Variants in ZNF875 observed in about 807,000 individuals in gnomAD.
The protein encoded by ZNF875 is zinc finger protein 875.
A neutral mutation model predicts 11.2 loss-of-function variants in ZNF875; 14 were observed. The ratio of observed to expected loss-of-function variants is 1.26; its 90% CI spans 0.83 to 1.96. The LOEUF (loss-of-function observed/expected upper bound fraction) is 1.96. ZNF875 is among the 30% of genes most tolerant of loss of function. The probability of loss-of-function intolerance (pLI) is 0.00; values close to 1 mark genes in which losing one functional copy is unlikely to be tolerated. For synonymous variants in ZNF875, 301 were observed against 281.1 expected (o/e 1.07, Z -0.71); for missense variants, 752 against 760.4 (o/e 0.99, Z 0.13).
rs372617676 is a variant in ZNF875, at chr19:37,362,305, A to C, written c.453A>C (p.Lys151Asn). 6.2e-7 allele frequency: 1 copy of C among 1,614,064 alleles called. No homozygotes were observed. Among genetic ancestry groups the C allele is most frequent in the Non-Finnish European group, 8.5e-7 (1 of 1,180,044 alleles). ...QQQDPFCFSG[K>N]AEWIQEGEDS... ...AGGATCCATTCTGCTTTAGTGGCAA[A>C]GCAGAATGGATTCAAGAGGGAGAAG... Residue 151 changes from lysine (K) to asparagine (N), a missense_variant, in exon 5 of 5, where the codon AAA becomes AAC. Transcript: ENST00000392153.
At chr19:37,315,904 G>A (rs1431609161), upstream of ZNF875, among the ~76,000 whole-genome samples, 2 of 152,088 alleles carry the variant, frequency 1.3e-5, no homozygotes, top group East Asian at 1.9e-4. Context: ...GACAGGCTGA[G>A]GTGAATGTGT....
chr19:37,348,124 C>T (rs909495851), intron 4 of ZNF875, among the ~76,000 whole-genome samples: 2 of 152,186 alleles, frequency 1.3e-5, no homozygotes, highest in Non-Finnish European at 2.9e-5. Context: ...AGTCTTTCCT[C>T]ATTCACTGTC....
intron 1 of ZNF875, among the ~76,000 whole-genome samples, chr19:37,321,345 A>G (rs2031399908): frequency 6.6e-6 from 1 of 152,184 alleles, no homozygotes. Context: ...TTAATGCACC[A>G]AGATTTTTAT....
chr19:37,322,262 C>T (rs1240660130), intron 2 of ZNF875: 15 of 152,190 alleles, frequency 9.9e-5, no homozygotes, highest in African/African-American at 3.1e-4. Flanking sequence ...ATATTTTGGA[C>T]TCATTTTGTA....
At chr19:37,323,105 CT>C (rs1287902884) in intron 2 of ZNF875, among the ~76,000 whole-genome samples, 3 of 151,514 alleles carry the variant, frequency 2.0e-5, no homozygotes. Context: ...GGGATTTTCA[CT>C]GTGTTCCTAA....
In ZNF875 at chr19:37,363,472, CAGA is replaced by C; in HGVS notation, c.1623_1625del (p.Arg542del). On this transcript the variant is annotated inframe_deletion, in exon 5 of 5. Transcript: ENST00000392153. Reference sequence around the variant, plus strand: ...AGCCTTTTATGTGCAGGGAGTGTGGCAGAAGGTTTCGGCAGAAGCCTAACCTGT... The same window carrying C: ...AGCCTTTTATGTGCAGGGAGTGTGGCAGGTTTCGGCAGAAGCCTAACCTGT... 1 of 1,612,832 alleles carries C rather than the reference CAGA, an allele frequency of 6.2e-7. No homozygotes were observed. The highest frequency in any genetic ancestry group is 1.1e-5 in the South Asian group (1 of 91,010).
rs1257599573 is a variant in ZNF875 at position 37,362,449 on chromosome 19, G to C, written c.597G>C (p.Gly199=). 2.5e-6 allele frequency: 4 copies of C among 1,614,052 alleles called. No individual in the cohort carries two copies. The highest frequency in any genetic ancestry group is 3.3e-5 in the Admixed American group (2 of 60,000). ...AAGACAACACAGTGGTGGATATAGG[G>C]TCCAGCCCTGAACGGAGGGCAGATC... ...SKEDNTVVDI[G]SSPERRADLE... Residue 199 remains glycine, a synonymous_variant, in exon 5 of 5, where the codon GGG becomes GGC. Transcript: ENST00000392153.
rs549424344 is a variant in ZNF875 at position 37,334,921 on chromosome 19, C to T, written c.-57+139C>T. 412 of 457,022 alleles carry T rather than the reference C, an allele frequency of 9.0e-4. 2 individuals carry two copies. Among genetic ancestry groups the T allele is most frequent in the Non-Finnish European group, 1.3e-3 (302 of 238,950 alleles). 28.3% of individuals were successfully genotyped at this position (457,022 alleles called of 1,614,324 possible). On this transcript the variant is annotated intron_variant, in intron 1 of 4. Transcript: ENST00000392153. ...CCAGGCCATTTTCCTTTCATTCGAG[C>T]CCACAGGGTTAGAGATAAACCCTCA... is the stretch of plus-strand genomic sequence containing the variant.
At chr19:37,354,306 G>C (rs2038520887) in intron 4 of ZNF875, among the ~76,000 whole-genome samples, 1 of 120,854 alleles carries the variant, frequency 8.3e-6, no homozygotes, top group Non-Finnish European at 1.6e-5. Context: ...TGGGTTTTAG[G>C]AGTGCTCTCA....
chr19:37,363,756 A>G lies in ZNF875; in HGVS notation c.1904A>G (p.Gln635Arg). Residue 635 changes from glutamine (Q) to arginine (R), a missense_variant, in exon 5 of 5, where the codon CAG (glutamine) becomes CGG (arginine). Gln to Arg is a conservative substitution (Grantham distance 43). Transcript: ENST00000392153. ...CGGAAGTCCAACCTTATCAGACATC[A>G]GAGGACACACTCAGGATAGAAACTT... Reference protein sequence around the residue: ...FSRKSNLIRHQRTHSG With the variant: ...FSRKSNLIRHRRTHSG The G allele has an allele frequency of 6.2e-7, 1 of 1,613,998 alleles. No homozygotes were observed. The highest frequency in any genetic ancestry group is 8.5e-7 in the Non-Finnish European group (1 of 1,179,946).
At chr19:37,314,777 A>T (rs1350175814), upstream of ZNF875, 7 of 151,838 alleles carry the variant, frequency 4.6e-5, no homozygotes, top group Admixed American at 1.3e-4. Context: ...AAGAAGAAGA[A>T]GTAGAATAAA....
At chr19:37,332,787 A>G (rs2033602286), upstream of ZNF875, among the ~76,000 whole-genome samples, 1 of 152,116 alleles carries the variant, frequency 6.6e-6, no homozygotes, top group African/African-American at 2.4e-5. Context: ...GATGGGCATG[A>G]CTAGATTTTT....
intron 4 of ZNF875, among the ~76,000 whole-genome samples, chr19:37,358,860 C>T (rs2039417065): frequency 6.6e-6 from 1 of 151,516 alleles, no homozygotes; most frequent in Non-Finnish European, 1.5e-5. Flanking sequence ...GTATAATTTA[C>T]ATGCCATAAA....
intron 4 of ZNF875, among the ~76,000 whole-genome samples, chr19:37,325,792 C>T (rs931106206): frequency 2.6e-5 from 4 of 151,992 alleles, no homozygotes; most frequent in South Asian, 2.1e-4. Flanking sequence ...ACTGCAGCCT[C>T]GATATCTGGG....
At chr19:37,328,779 G>C (rs2145793192) in intron 4 of ZNF875, 1 of 152,328 alleles carries the variant, frequency 6.6e-6, no homozygotes, top group Non-Finnish European at 1.5e-5. Context: ...CCTTGTATTT[G>C]TAGACATGAT....
chr19:37,317,580 A>T (rs1222374428), upstream of ZNF875, among the ~76,000 whole-genome samples: 1 of 152,206 alleles, frequency 6.6e-6, no homozygotes, highest in Non-Finnish European at 1.5e-5. Flanking sequence ...GCCTGGTGCA[A>T]ATCTCCACCA....
chr19:37,335,154 T>C lies in ZNF875; in HGVS notation c.-56-15T>C, dbSNP rs770223839. ...TTTCCACCTAGGCCACTCTTATTTC[T>C]CTTCACATCCCCAGATCTGTCTTCT... On this transcript the variant is annotated splice_polypyrimidine_tract_variant and intron_variant, in intron 1 of 4. Transcript: ENST00000392153. 1 of 698,378 alleles carries C rather than the reference T, an allele frequency of 1.4e-6. No homozygotes were observed. The highest frequency in any genetic ancestry group is 1.5e-5 in the South Asian group (1 of 67,378). The allele number at this position is 698,378 out of a possible 1,614,324, so 43.3% of individuals were successfully genotyped here.
chr19:37,357,426 T>G (rs1417286769), intron 4 of ZNF875, among the ~76,000 whole-genome samples: 1 of 152,202 alleles, frequency 6.6e-6, no homozygotes, highest in Non-Finnish European at 1.5e-5. Context: ...CTTTGGGCAG[T>G]ATCATCATTT....
rs73930972 is a variant in ZNF875 at position 37,353,369 on chromosome 19, A to G, written c.256+5497A>G. 3.7e-3 allele frequency among the ~76,000 whole-genome samples: 569 copies of G among 152,340 alleles called. 2 individuals carry two copies. The highest frequency in any genetic ancestry group is 0.013 in the African/African-American group (549 of 41,580). ...CTCATCTTCAGTGCTGTTGTCATAT[A>G]CATTATTTCTGTAAACATCCTAAAC... On this transcript the variant is annotated intron_variant, in intron 4 of 4. Transcript: ENST00000392153.
Sources: gnomAD v4.1 joint callset for allele counts (sites outside exome capture counted in the v4.1 genomes callset) on GRCh38, gnomAD v4.1.1 for gene constraint, MANE v1.5 for transcripts, NCBI Gene and HGNC (gene_info 2026-07-23, HGNC 2026-07-21) for gene names.